DPYSL5: variants seen among roughly 807,000 people sequenced by gnomAD.
DPYSL5 encodes dihydropyrimidinase like 5.
A neutral mutation model predicts 58.4 loss-of-function variants in DPYSL5; 9 were observed. The ratio of observed to expected loss-of-function variants is 0.15; its 90% confidence interval spans 0.09 to 0.27. The LOEUF is 0.27. Ranked by LOEUF, DPYSL5 falls within the 10% of genes least tolerant of loss-of-function variation. The pLI is 1.00. For synonymous variants in DPYSL5, 293 were observed against 301.9 expected, an observed-to-expected ratio of 0.97 and a Z score of 0.31; for missense variants, 499 against 770.6, an observed-to-expected ratio of 0.65 and a Z score of 4.17.
At position 26,944,948 on chromosome 2, in the gene DPYSL5, A is replaced by T; in HGVS notation, c.1609+124A>T. On this transcript the variant is annotated intron_variant, in intron 12 of 12. Transcript: ENST00000288699. This position sits in a 1 kb window ranked among gnomAD's most constrained non-coding sequence, Gnocchi z 4.4. ...TCCCTCCCGTTGCCTATTTCCAGGG[A>T]TGAGTGCTGGTTTGGATATTAGACT... The T allele has an allele frequency of 5.3e-6, 5 of 948,454 alleles. No individual in the cohort carries two copies. The highest frequency in any genetic ancestry group is 7.8e-6 in the Non-Finnish European group (5 of 638,348). The allele number at this position is 948,454 out of a possible 1,614,324, so 58.8% of individuals were successfully genotyped here. A position where few individuals can be genotyped will look rare whatever the true frequency, so the allele number is the denominator to read the frequency against.
Position 26,942,138 on chromosome 2 carries a change from TGAA to T in DPYSL5, c.1232+52_1232+54del, listed in dbSNP as rs1284710991. 1 of 1,607,924 alleles carries T rather than the reference TGAA, an allele frequency of 6.2e-7. No homozygotes were observed. The highest frequency in any genetic ancestry group is 2.2e-5 in the East Asian group (1 of 44,780). ...CCAGGGCTAGAGGGGCTTGGGATTT[TGAA>T]GAAGACTTGCATTACAGATCTCCAA... On this transcript the variant is annotated intron_variant, in intron 10 of 12. Transcript: ENST00000288699. This position sits in a 1 kb window ranked among gnomAD's most constrained non-coding sequence, Gnocchi z 5.9.
chr2:26,868,288 GATTT>G (rs1663164165), intron 1 of DPYSL5, among the ~76,000 whole-genome samples: 1 of 151,916 alleles, frequency 6.6e-6, no homozygotes, highest in African/African-American at 2.4e-5. Context: ...TTTATCTATT[GATTT>G]ATTTCTATAG....
At chr2:26,875,218 G>A (rs562311) in intron 1 of DPYSL5, among the ~76,000 whole-genome samples, 65,791 of 152,118 alleles carry the variant, frequency 0.43, 14,811 homozygotes, top group African/African-American at 0.52. Context: ...GGAGGGTGGT[G>A]AAGGGACAGC....
intron 1 of DPYSL5, among the ~76,000 whole-genome samples, chr2:26,883,880 A>G (rs934780690): frequency 6.6e-6 from 1 of 152,122 alleles, no homozygotes; most frequent in African/African-American, 2.4e-5. Flanking sequence ...TGGTCCTTTC[A>G]TGGTTAAGAA....
At chr2:26,854,906 C>T (rs960123123) in intron 1 of DPYSL5, among the ~76,000 whole-genome samples, 3 of 151,920 alleles carry the variant, frequency 2.0e-5, no homozygotes, top group Non-Finnish European at 4.4e-5. Context: ...GCAACCTCTG[C>T]CTCCCGGTTC....
chr2:26,875,969 A>G (rs548360114), intron 1 of DPYSL5, among the ~76,000 whole-genome samples: 1 of 152,146 alleles, frequency 6.6e-6, no homozygotes, highest in African/African-American at 2.4e-5. Context: ...CATCTCTTTT[A>G]TCGGTAGGTA....
At chr2:26,864,013 T>C (rs1292104133) in intron 1 of DPYSL5, among the ~76,000 whole-genome samples, 2 of 152,120 alleles carry the variant, frequency 1.3e-5, no homozygotes, top group Non-Finnish European at 2.9e-5. Flanking sequence ...GAGGCCAAGG[T>C]GGGTGGATCA....
chr2:26,944,421 C>CA lies in DPYSL5; in HGVS notation c.1441-234dup, dbSNP rs1665412143. Among the ~76,000 whole-genome samples, 1 of 152,220 alleles carries CA rather than the reference C, an allele frequency of 6.6e-6. No individual in the cohort carries two copies. Among genetic ancestry groups the CA allele is most frequent in the South Asian group, 2.1e-4 (1 of 4,828 alleles). On this transcript the variant is annotated intron_variant, in intron 11 of 12. Transcript: ENST00000288699. This position sits in a 1 kb window ranked among gnomAD's most constrained non-coding sequence, Gnocchi z 4.4. The stretch of plus-strand genomic sequence containing the variant: ...ATGCATGCACACACACATGTGCACT[C>CA]ACATACATGCACGCATGCACACATG...
chr2:26,860,297 C>G (rs1665978991), intron 1 of DPYSL5, among the ~76,000 whole-genome samples: 1 of 152,184 alleles, frequency 6.6e-6, no homozygotes, highest in Non-Finnish European at 1.5e-5. Context: ...AGAATGTAAA[C>G]TTCTCCCTCA....
intron 1 of DPYSL5, among the ~76,000 whole-genome samples, chr2:26,873,962 T>C (rs1663337962): frequency 6.6e-6 from 1 of 152,224 alleles, no homozygotes; most frequent in Non-Finnish European, 1.5e-5. Flanking sequence ...CTACTGGGCA[T>C]AGAGTGGTAT....
At chr2:26,946,625 A>C (rs917996819) in intron 12 of DPYSL5, among the ~76,000 whole-genome samples, 2 of 152,194 alleles carry the variant, frequency 1.3e-5, no homozygotes, top group African/African-American at 4.8e-5. Context: ...GAGAGACTGT[A>C]TGCCTAGGCA....
At chr2:26,871,835 G>T (rs963554745) in intron 1 of DPYSL5, among the ~76,000 whole-genome samples, 2 of 152,188 alleles carry the variant, frequency 1.3e-5, no homozygotes, top group Non-Finnish European at 2.9e-5. Context: ...TTAAATTTTT[G>T]AAAGAAACAT....
intron 5 of DPYSL5, 45 bp downstream of exon 5, chr2:26,928,368 A>T (rs770460416): frequency 6.3e-7 from 1 of 1,594,002 alleles, no homozygotes; most frequent in Non-Finnish European, 8.6e-7. Context: ...TCTCATGTAG[A>T]TTGACAGAAT....
intron 1 of DPYSL5, among the ~76,000 whole-genome samples, chr2:26,882,090 CAAAAAAAAAAA>C (rs752138649): frequency 9.7e-5 from 4 of 41,088 alleles, no homozygotes; most frequent in Admixed American, 2.7e-4. Flanking sequence ...GACTCCATCT[CAAAAAAAAAAA>C]AAAAAAAAAA....
At position 26,898,526 on chromosome 2, in the gene DPYSL5, G is replaced by A. The variant is rs79644076; in HGVS notation, c.27G>A (p.Arg9=). 15,096 of 1,614,118 alleles carry A rather than the reference G, an allele frequency of 9.4e-3. 98 individuals carry two copies. The highest frequency in any genetic ancestry group is 0.011 in the Non-Finnish European group (13,115 of 1,179,998). MLANSASV[R]ILIKGGKVVN... is the part of the protein sequence containing the mutation. Reference sequence around the variant, plus strand: ...TGCTTGCCAACTCAGCCAGCGTGAGGATCCTCATCAAGGGAGGCAAGGTGG... The same window carrying A: ...TGCTTGCCAACTCAGCCAGCGTGAGAATCCTCATCAAGGGAGGCAAGGTGG... The change falls in exon 2 of 13, where the codon AGG becomes AGA. Residue 9 remains arginine (R), a synonymous_variant. Coordinates refer to ENST00000288699, the MANE Select transcript of DPYSL5 (RefSeq NM_020134.4). The surrounding 1 kb of genome is among the most constrained non-coding windows in gnomAD (Gnocchi z 6.1).
At chr2:26,928,464 G>A in intron 5 of DPYSL5, 141 bp downstream of exon 5, 1 of 918,774 alleles carries the variant, frequency 1.1e-6, no homozygotes, top group Non-Finnish European at 1.7e-6. Flanking sequence ...GGAGGCTGAG[G>A]TGGGTGGATG....
intron 2 of DPYSL5, among the ~76,000 whole-genome samples, chr2:26,920,487 C>A (rs1664676188): frequency 6.6e-6 from 1 of 152,120 alleles, no homozygotes; most frequent in African/African-American, 2.4e-5. Flanking sequence ...CATTGTTGGC[C>A]AGGCGTGGTG....
chr2:26,947,013 C>T lies in DPYSL5; in HGVS notation c.*18C>T. On this transcript the variant is annotated 3_prime_UTR_variant, in exon 13 of 13. Transcript: ENST00000288699. This position sits in a 1 kb window ranked among gnomAD's most constrained non-coding sequence, Gnocchi z 4.2. Reference sequence around the variant, plus strand: ...TTTGGTAAAGGCATTGCCAAGCCCCCCGAGTGAGGACGCACCGCCGCCACC... The same window carrying T: ...TTTGGTAAAGGCATTGCCAAGCCCCTCGAGTGAGGACGCACCGCCGCCACC... The T allele has an allele frequency of 6.3e-7, 1 of 1,593,776 alleles. No individual in the cohort carries two copies. Among genetic ancestry groups the T allele is most frequent in the South Asian group, 1.1e-5 (1 of 90,026 alleles).
chr2:26,943,614 A>G (rs1226748677), intron 11 of DPYSL5, among the ~76,000 whole-genome samples: 1 of 152,204 alleles, frequency 6.6e-6, no homozygotes, highest in Non-Finnish European at 1.5e-5. Context: ...CTGCAGTAAT[A>G]ACTGCTCGTA....
Sources: allele counts gnomAD v4.1 joint callset (sites outside exome capture counted in the v4.1 genomes callset), GRCh38; gene constraint gnomAD v4.1.1; non-coding constraint Gnocchi (gnomAD v3.1); transcripts MANE v1.5; gene names NCBI Gene and HGNC (gene_info 2026-07-23, HGNC 2026-07-21).